Variants in MAGI2 observed in about 807,000 individuals in gnomAD.
MAGI2 encodes the protein membrane-associated guanylate kinase, WW and PDZ domain-containing protein 2.
In MAGI2, 35 loss-of-function variants were observed where a neutral mutation model predicts 133.3. The ratio of observed to expected loss-of-function variants is 0.26; its 90% CI spans 0.20 to 0.35. MAGI2 has a LOEUF of 0.35. Among genes scored for constraint, MAGI2 ranks in the 10% least tolerant of loss-of-function variants. The probability of loss-of-function intolerance (pLI) is 1.00; values close to 1 mark genes in which losing one functional copy is unlikely to be tolerated. For synonymous variants in MAGI2, 729 were observed against 710.6 expected (o/e 1.03, Z -0.41); for missense variants, 1,636 against 1,863.4 (o/e 0.88, Z 2.25).
intron 2 of MAGI2, among the ~76,000 whole-genome samples, chr7:78,776,855 T>A (rs1826026071): frequency 6.6e-6 from 1 of 152,236 alleles, no homozygotes; most frequent in Admixed American, 6.5e-5. Flanking sequence ...TTGTTGATCC[T>A]AACAGGTAAA....
At chr7:78,202,941 A>C (rs777352762) in intron 10 of MAGI2, among the ~76,000 whole-genome samples, 11 of 152,220 alleles carry the variant, frequency 7.2e-5, no homozygotes, top group Non-Finnish European at 1.3e-4. Context: ...AAAATTACAT[A>C]TAAATAAATA....
At chr7:78,924,903 A>G (rs888882621) in intron 2 of MAGI2, among the ~76,000 whole-genome samples, 6 of 151,624 alleles carry the variant, frequency 4.0e-5, no homozygotes, top group African/African-American at 1.2e-4. Flanking sequence ...TTTTAAATTT[A>G]AAGTCCCCTA....
intron 1 of MAGI2, among the ~76,000 whole-genome samples, chr7:79,126,328 C>T (rs767064290): frequency 7.2e-5 from 11 of 152,108 alleles, no homozygotes; most frequent in African/African-American, 1.9e-4. Flanking sequence ...TATGGTGGGA[C>T]TGTGAATCAA....
At chr7:79,172,787 C>T (rs1436745122) in intron 1 of MAGI2, 6 of 151,954 alleles carry the variant, frequency 3.9e-5, no homozygotes, top group African/African-American at 1.4e-4. Context: ...TGGTAGTTCA[C>T]CTATTTCCAG....
At chr7:78,595,065 C>T (rs374148100) in intron 3 of MAGI2, among the ~76,000 whole-genome samples, 1 of 152,046 alleles carries the variant, frequency 6.6e-6, no homozygotes, top group African/African-American at 2.4e-5. Context: ...TCTCTGTAAC[C>T]GGTTACAGAA....
chr7:79,298,766 G>T (rs1231371706), intron 1 of MAGI2, among the ~76,000 whole-genome samples: 1 of 152,092 alleles, frequency 6.6e-6, no homozygotes, highest in Non-Finnish European at 1.5e-5. Flanking sequence ...GTGAGGTAGT[G>T]AATTTAGAAT....
At chr7:78,303,253 T>A (rs1218446472) in intron 9 of MAGI2, among the ~76,000 whole-genome samples, 1 of 151,590 alleles carries the variant, frequency 6.6e-6, no homozygotes, top group Non-Finnish European at 1.5e-5. Context: ...GTGGCAGGCA[T>A]CTGTAATCCC....
Position 78,767,992 on chromosome 7 carries a change from T to C in MAGI2, c.419-140753A>G, listed in dbSNP as rs571416750. Among the ~76,000 whole-genome samples the C allele has an allele frequency of 3.9e-5, 6 of 152,366 alleles. No individual in the cohort carries two copies. In the South Asian group the frequency reaches 6.2e-4, roughly 16 times the overall value. On this transcript the variant is annotated intron_variant, in intron 2 of 21. Transcript: ENST00000354212. Reference sequence around the variant, plus strand: ...TTCTCATTTCTCCCTTGATGGTTTCTGAGCTGTGAACTATTTTCTACAGTT... The same window carrying C: ...TTCTCATTTCTCCCTTGATGGTTTCCGAGCTGTGAACTATTTTCTACAGTT...
intron 21 of MAGI2, among the ~76,000 whole-genome samples, chr7:78,051,268 G>A (rs1024355394): frequency 2.0e-5 from 3 of 152,188 alleles, no homozygotes; most frequent in Non-Finnish European, 2.9e-5. Flanking sequence ...GGCAAGCTCC[G>A]AGGTGCTGGA....
In MAGI2 at chr7:78,124,680, C is replaced by T. The variant is rs994804277; in HGVS notation, c.3567+1014G>A. 6.6e-5 allele frequency among the ~76,000 whole-genome samples: 10 copies of T among 150,708 alleles called. No individual in the cohort carries two copies. The South Asian group carries it at 8.4e-4, about 13-fold the overall frequency. ...TAAATTCTAGATTTTATTCATACAC[C>T]GACACACACACACACACAAACACAC... On this transcript the variant is annotated intron_variant, in intron 20 of 21. Transcript: ENST00000354212.
chr7:79,135,145 T>A (rs1199281022), intron 1 of MAGI2, among the ~76,000 whole-genome samples: 1 of 152,140 alleles, frequency 6.6e-6, no homozygotes, highest in Non-Finnish European at 1.5e-5. Flanking sequence ...GATTTATATG[T>A]AAAGTGGCTG....
chr7:78,043,513 A>G (rs905293044), intron 21 of MAGI2, among the ~76,000 whole-genome samples: 1 of 152,236 alleles, frequency 6.6e-6, no homozygotes, highest in Non-Finnish European at 1.5e-5. Flanking sequence ...AGGATTGGCC[A>G]AAATCTCCAT....
At chr7:79,181,652 T>A (rs1826633705) in intron 1 of MAGI2, among the ~76,000 whole-genome samples, 4 of 152,032 alleles carry the variant, frequency 2.6e-5, no homozygotes, top group Admixed American at 2.0e-4. Context: ...TTCTCATTAC[T>A]TATGCAAATT....
intron 1 of MAGI2, among the ~76,000 whole-genome samples, chr7:79,386,770 GT>G (rs1844211034): frequency 6.6e-6 from 1 of 152,016 alleles, no homozygotes; most frequent in East Asian, 1.9e-4. Context: ...GTATTAAAAG[GT>G]GGTGCCTTTG....
intron 1 of MAGI2, among the ~76,000 whole-genome samples, chr7:79,018,304 C>G (rs964640366): frequency 6.6e-6 from 1 of 152,028 alleles, no homozygotes; most frequent in South Asian, 2.1e-4. Context: ...ACTAAGCTTT[C>G]GAAGTGAAGG....
chr7:79,281,579 A>T (rs962957639), intron 1 of MAGI2, among the ~76,000 whole-genome samples: 1 of 152,210 alleles, frequency 6.6e-6, no homozygotes, highest in Non-Finnish European at 1.5e-5. Context: ...TACAAAAAAA[A>T]TAGAGCATAA....
chr7:78,225,630 T>C (rs1171386450), intron 10 of MAGI2, among the ~76,000 whole-genome samples: 2 of 152,228 alleles, frequency 1.3e-5, no homozygotes, highest in East Asian at 1.9e-4. Context: ...ATAGAACTGC[T>C]TTAGGCACAG....
intron 1 of MAGI2, among the ~76,000 whole-genome samples, chr7:79,021,751 T>A (rs1809350479): frequency 6.6e-6 from 1 of 152,072 alleles, no homozygotes; most frequent in Non-Finnish European, 1.5e-5. Context: ...TGAATTAAGA[T>A]TTTGGGGGAC....
At chr7:79,177,598 AT>A (rs1826212032) in intron 1 of MAGI2, among the ~76,000 whole-genome samples, 1 of 152,028 alleles carries the variant, frequency 6.6e-6, no homozygotes, top group South Asian at 2.1e-4. Flanking sequence ...TTTGCTGAGC[AT>A]TTTCTATGCA....
Sources: allele counts gnomAD v4.1 joint callset (sites outside exome capture counted in the v4.1 genomes callset), GRCh38; gene constraint gnomAD v4.1.1; transcripts MANE v1.5; gene names NCBI Gene and HGNC (gene_info 2026-07-23, HGNC 2026-07-21).